Variants in MAP2 observed in about 807,000 individuals in gnomAD.
MAP2 encodes the protein microtubule-associated protein 2.
MAP2 carries 14 observed loss-of-function variants against 137.6 expected under a neutral mutation model. That is an observed-to-expected ratio of 0.10 (90% confidence interval 0.07 to 0.16). The LOEUF (loss-of-function observed/expected upper bound fraction) is 0.16. Ranked by LOEUF, MAP2 falls within the 10% of genes least tolerant of loss-of-function variation. The pLI is 1.00. For synonymous variants in MAP2, 786 were observed against 782.3 expected, an observed-to-expected ratio of 1.00 and a Z score of -0.08; for missense variants, 2,088 against 2,191.5, an observed-to-expected ratio of 0.95 and a Z score of 0.94.
chr2:209,690,926 A>ACGCTATTT lies in MAP2; in HGVS notation c.455-1689_455-1682dup, dbSNP rs1348936214. 4 of 1,178,758 alleles carry ACGCTATTT rather than the reference A, an allele frequency of 3.4e-6. No individual in the cohort carries two copies. The East Asian group carries it at 2.3e-4, about 68-fold the overall frequency. The allele number at this position is 1,178,758 out of a possible 1,614,324, so 73.0% of individuals were successfully genotyped here. Reference sequence around the variant, plus strand: ...GGCTTACCAACCTGATGCCTTTCCAACGCTATTTCGCTATTTCATCGCTGG... The same window carrying ACGCTATTT: ...GGCTTACCAACCTGATGCCTTTCCAACGCTATTTCGCTATTTCGCTATTTCATCGCTGG... On this transcript the variant is annotated intron_variant, in intron 7 of 15. Coordinates refer to ENST00000682079, the MANE Select transcript of MAP2 (RefSeq NM_001375505.1).
At chr2:209,560,626 A>C (rs557533051) in intron 2 of MAP2, among the ~76,000 whole-genome samples, 1 of 151,874 alleles carries the variant, frequency 6.6e-6, no homozygotes. Flanking sequence ...GATTACAAAC[A>C]TGAGGCACTG....
chr2:209,606,271 A>G (rs2084719836), intron 3 of MAP2, among the ~76,000 whole-genome samples: 1 of 152,010 alleles, frequency 6.6e-6, no homozygotes, highest in Non-Finnish European at 1.5e-5. Flanking sequence ...ATATGTGTCT[A>G]TGGTTAAAAA....
chr2:209,616,535 C>A (rs1375358890), intron 3 of MAP2, among the ~76,000 whole-genome samples: 1 of 151,732 alleles, frequency 6.6e-6, no homozygotes, highest in Non-Finnish European at 1.5e-5. Context: ...AGCAAGATTT[C>A]ATTGCTTATA....
At chr2:209,532,225 G>T (rs2065219280) in intron 2 of MAP2, among the ~76,000 whole-genome samples, 1 of 143,792 alleles carries the variant, frequency 7.0e-6, no homozygotes, top group Non-Finnish European at 1.5e-5. Flanking sequence ...GTGACAGAGG[G>T]AGAGCCAGTC....
At chr2:209,443,062 C>T (rs1698206301) in intron 1 of MAP2, among the ~76,000 whole-genome samples, 1 of 151,590 alleles carries the variant, frequency 6.6e-6, no homozygotes. Context: ...AATCCTTCCT[C>T]CAGTATTAAT....
chr2:209,615,101 G>T (rs1208602157), intron 3 of MAP2, among the ~76,000 whole-genome samples: 1 of 151,676 alleles, frequency 6.6e-6, no homozygotes, highest in Non-Finnish European at 1.5e-5. Context: ...TGGAGCTCAG[G>T]CAAAAAACAT....
intron 2 of MAP2, among the ~76,000 whole-genome samples, chr2:209,556,336 A>C (rs1047843211): frequency 1.3e-5 from 2 of 152,072 alleles, no homozygotes; most frequent in African/African-American, 4.8e-5. Flanking sequence ...GAGCCACTGC[A>C]TCCCGCCCCA....
chr2:209,592,654 A>T (rs1166153177), intron 3 of MAP2, among the ~76,000 whole-genome samples: 9 of 152,216 alleles, frequency 5.9e-5, no homozygotes, highest in Non-Finnish European at 1.3e-4. Context: ...ATCTGAAATA[A>T]GTCAGGTTCT....
intron 3 of MAP2, among the ~76,000 whole-genome samples, chr2:209,617,475 G>T (rs182723761): frequency 1.3e-5 from 2 of 152,088 alleles, no homozygotes. Context: ...AAGGGTGGGG[G>T]ATTCTCTCTA....
chr2:209,668,377 T>C (rs1044084862), intron 5 of MAP2, among the ~76,000 whole-genome samples: 4 of 152,056 alleles, frequency 2.6e-5, no homozygotes, highest in African/African-American at 9.6e-5. Context: ...AGAGATATTT[T>C]CTAAAGATTT....
intron 1 of MAP2, among the ~76,000 whole-genome samples, chr2:209,442,555 C>T (rs1398994440): frequency 6.6e-6 from 1 of 151,560 alleles, no homozygotes; most frequent in Admixed American, 6.6e-5. Context: ...TTATTAAGGT[C>T]CCTGACTCTT....
intron 1 of MAP2, among the ~76,000 whole-genome samples, chr2:209,452,031 A>T (rs938289917): frequency 1.3e-5 from 2 of 152,204 alleles, no homozygotes; most frequent in Admixed American, 1.3e-4. Context: ...TTGATTGTTA[A>T]TGCAATTTTA....
chr2:209,521,277 C>T (rs1251737859), intron 2 of MAP2, among the ~76,000 whole-genome samples: 6 of 152,172 alleles, frequency 3.9e-5, no homozygotes, highest in South Asian at 2.1e-4. Context: ...TACTTTACAA[C>T]ACACTAATAT....
intron 1 of MAP2, among the ~76,000 whole-genome samples, chr2:209,505,919 C>T (rs1170484065): frequency 2.0e-5 from 3 of 151,930 alleles, no homozygotes; most frequent in Admixed American, 2.0e-4. Context: ...CTGTAGTGAG[C>T]CATGATCACA....
intron 14 of MAP2, 82 bp from the exon 15 acceptor site, chr2:209,729,768 G>T: frequency 1.2e-6 from 1 of 835,822 alleles, no homozygotes; most frequent in Non-Finnish European, 2.0e-6. Context: ...GTTTGCCGTA[G>T]TCTATCTACT....
At chr2:209,435,764 A>G (rs1411964485) in intron 1 of MAP2, among the ~76,000 whole-genome samples, 5 of 151,238 alleles carry the variant, frequency 3.3e-5, no homozygotes, top group Admixed American at 2.7e-4. Context: ...AATTTTGGTT[A>G]CAGACATTTT....
chr2:209,590,096 C>T (rs2078842573), intron 3 of MAP2, among the ~76,000 whole-genome samples: 1 of 152,046 alleles, frequency 6.6e-6, no homozygotes, highest in Non-Finnish European at 1.5e-5. Context: ...AGCGACCCAC[C>T]TCTTCCTCAG....
At chr2:209,433,906 A>G (rs1011187932) in intron 1 of MAP2, among the ~76,000 whole-genome samples, 4 of 152,100 alleles carry the variant, frequency 2.6e-5, no homozygotes, top group African/African-American at 9.7e-5. Context: ...AGTCAAAAAA[A>G]AAATTCCATT....
Position 209,539,922 on chromosome 2 carries a change from A to AC in MAP2, c.-172+32285dup, listed in dbSNP as rs1391275349. ...AGAACAGCCTGGGTAACATAGTGAGACCCCATCTCACGAAAAAAAAAAAAA... is the reference window on the plus strand; with the variant it reads ...AGAACAGCCTGGGTAACATAGTGAGACCCCCATCTCACGAAAAAAAAAAAAA... On this transcript the variant is annotated intron_variant, in intron 2 of 15. Coordinates refer to ENST00000682079, the MANE Select transcript of MAP2 (RefSeq NM_001375505.1). 3.8e-5 allele frequency among the ~76,000 whole-genome samples: 5 copies of AC among 131,092 alleles called. No homozygotes were observed. The South Asian group carries it at 9.8e-4, about 26-fold the overall frequency. The allele number at this position is 131,092 out of a possible 152,430, so 86.0% of individuals were successfully genotyped here.
Sources: allele counts gnomAD v4.1 joint callset (sites outside exome capture counted in the v4.1 genomes callset), GRCh38; gene constraint gnomAD v4.1.1; transcripts MANE v1.5; gene names NCBI Gene and HGNC (gene_info 2026-07-23, HGNC 2026-07-21).